CADM2: variants seen among roughly 807,000 people sequenced by gnomAD.
CADM2 encodes cell adhesion molecule 2, also known as immunoglobulin superfamily member 4D.
CADM2 carries 12 observed loss-of-function variants against 49.8 expected under a neutral mutation model. The ratio of observed to expected loss-of-function variants is 0.24; its 90% CI spans 0.15 to 0.39. CADM2 has a LOEUF of 0.39. Ranked by LOEUF, CADM2 falls within the 10% of genes least tolerant of loss-of-function variation. The pLI is 1.00. For synonymous variants in CADM2, 214 were observed against 175.4 expected (o/e 1.22, Z -1.74); for missense variants, 378 against 492.3 (o/e 0.77, Z 2.20).
chr3:85,608,686 A>G (rs2063600028), intron 1 of CADM2, among the ~76,000 whole-genome samples: 1 of 152,162 alleles, frequency 6.6e-6, no homozygotes, highest in African/African-American at 2.4e-5. Flanking sequence ...TGCTGATCAA[A>G]CTAATTATAC....
chr3:85,381,175 C>A (rs1013082169), intron 1 of CADM2, among the ~76,000 whole-genome samples: 1 of 151,888 alleles, frequency 6.6e-6, no homozygotes, highest in African/African-American at 2.4e-5. Flanking sequence ...CATGCAAAGA[C>A]AAATGTGGCT....
At chr3:85,354,643 A>AGAGAGAGAGAGAGAGAGAGAGAGG (rs71108278) in intron 1 of CADM2, among the ~76,000 whole-genome samples, 1 of 149,114 alleles carries the variant, frequency 6.7e-6, no homozygotes, top group Non-Finnish European at 1.5e-5. Flanking sequence ...AGAGAGAGAG[A>AGAGAGAGAGAGAGAGAGAGAGAGG]AGCCTATTCT....
intron 1 of CADM2, among the ~76,000 whole-genome samples, chr3:85,091,035 A>C (rs7636138): frequency 0.59 from 90,359 of 151,950 alleles, 27,708 homozygotes; most frequent in Non-Finnish European, 0.65. Flanking sequence ...ACCTAGGGTT[A>C]TTGATAAAAT....
At chr3:85,327,857 A>C (rs74939234) in intron 1 of CADM2, among the ~76,000 whole-genome samples, 11,082 of 152,168 alleles carry the variant, frequency 0.073, 740 homozygotes, top group African/African-American at 0.18. Context: ...AAAACGTAAC[A>C]ATTTGAAGCC....
At chr3:85,189,475 A>AT (rs1167870462) in intron 1 of CADM2, among the ~76,000 whole-genome samples, 2 of 152,162 alleles carry the variant, frequency 1.3e-5, no homozygotes, top group African/African-American at 4.8e-5. Context: ...AGAAAATCTT[A>AT]TTTTTGAACC....
At chr3:85,414,321 A>G (rs189290949) in intron 1 of CADM2, among the ~76,000 whole-genome samples, 1 of 152,328 alleles carries the variant, frequency 6.6e-6, no homozygotes. Flanking sequence ...GCAAAACTAG[A>G]CTGCAGAAAT....
chr3:85,912,664 A>T, intron 6 of CADM2, 121 bp downstream of exon 6: 3 of 894,904 alleles, frequency 3.4e-6, no homozygotes, highest in South Asian at 1.7e-5. Flanking sequence ...CGGCAAAATG[A>T]AGTAAAACTA....
At chr3:86,003,886 T>A (rs2106838328) in intron 8 of CADM2, among the ~76,000 whole-genome samples, 1 of 152,236 alleles carries the variant, frequency 6.6e-6, no homozygotes, top group Non-Finnish European at 1.5e-5. Context: ...TAGAAAAAAT[T>A]GCGGACCCAG....
rs191546274 is a variant in CADM2 at position 85,119,168 on chromosome 3, T to G, written c.61+159500T>G. Among the ~76,000 whole-genome samples, 19 of 152,258 alleles carry G rather than the reference T, an allele frequency of 1.2e-4. No individual in the cohort carries two copies. In the East Asian group the frequency reaches 3.7e-3, roughly 29 times the overall value. ...TGGCTCACGCCTGTAATCCCAACCC[T>G]TGGGAGGCTGAGGTGGGCTGATCAC... On this transcript the variant is annotated intron_variant, in intron 1 of 9. Coordinates refer to ENST00000383699, the MANE Select transcript of CADM2 (RefSeq NM_001167675.2).
chr3:85,714,157 T>C (rs2067205447), intron 1 of CADM2, among the ~76,000 whole-genome samples: 1 of 152,198 alleles, frequency 6.6e-6, no homozygotes, highest in Admixed American at 6.5e-5. Flanking sequence ...CACACTGAAG[T>C]AGATTAAACT....
rs1157576505 is a variant in CADM2, at chr3:85,321,116, A to ATTTTTTT, written c.61+361492_61+361498dup. Among the ~76,000 whole-genome samples, 2 of 27,494 alleles carry ATTTTTTT rather than the reference A, an allele frequency of 7.3e-5. 1 individual carries two copies. Among genetic ancestry groups the ATTTTTTT allele is most frequent in the Non-Finnish European group, 1.3e-4 (2 of 15,270 alleles). 18.0% of individuals were successfully genotyped at this position (27,494 alleles called of 152,430 possible). On this transcript the variant is annotated intron_variant, in intron 1 of 9. Coordinates refer to ENST00000383699, the MANE Select transcript of CADM2 (RefSeq NM_001167675.2). ...CATATATATATATATATATATATAT[A>ATTTTTTT]TTTTTTTTTTTTTTTTTTTTTTTTT...
At chr3:86,021,416 C>T (rs1733160990) in intron 8 of CADM2, among the ~76,000 whole-genome samples, 1 of 152,002 alleles carries the variant, frequency 6.6e-6, no homozygotes, top group South Asian at 2.1e-4. Context: ...AGTGATGTAC[C>T]TTAGCTTAAG....
intron 1 of CADM2, among the ~76,000 whole-genome samples, chr3:85,029,224 G>A (rs748211889): frequency 6.6e-6 from 1 of 151,954 alleles, no homozygotes; most frequent in South Asian, 2.1e-4. Flanking sequence ...TGAAAAGTTT[G>A]TCATTTTACT....
intron 1 of CADM2, among the ~76,000 whole-genome samples, chr3:85,085,967 C>T (rs903914228): frequency 2.0e-5 from 3 of 151,998 alleles, no homozygotes; most frequent in African/African-American, 4.8e-5. Context: ...AACTGCACAT[C>T]GTCATAATGG....
intron 1 of CADM2, among the ~76,000 whole-genome samples, chr3:85,227,498 C>T (rs1259617127): frequency 1.4e-5 from 2 of 145,600 alleles, no homozygotes; most frequent in Non-Finnish European, 3.0e-5. Context: ...GTAAATCTTC[C>T]TCCATCCCTT....
chr3:85,729,434 G>C (rs1442393968), intron 2 of CADM2, among the ~76,000 whole-genome samples: 1 of 152,054 alleles, frequency 6.6e-6, no homozygotes, highest in Non-Finnish European at 1.5e-5. Context: ...CTGTCAAGAG[G>C]AACATAAATG....
chr3:86,069,659 A>T lies in CADM2; in HGVS notation c.*2876A>T, dbSNP rs930703954. 1.3e-5 allele frequency: 2 copies of T among 151,950 alleles called. No individual in the cohort carries two copies. Among genetic ancestry groups the T allele is most frequent in the African/African-American group, 4.8e-5 (2 of 41,422 alleles). The allele number at this position is 151,950 out of a possible 1,614,324, so 9.4% of individuals were successfully genotyped here. On this transcript the variant is annotated 3_prime_UTR_variant, in exon 10 of 10. Transcript: ENST00000383699. ...ATAGAGTCAATTTCTGTCTCTTCTA[A>T]GTGAGCACAGTAGGTAGGGAACTCA...
chr3:85,921,319 T>TAC (rs530092390), intron 6 of CADM2, among the ~76,000 whole-genome samples: 6 of 150,928 alleles, frequency 4.0e-5, no homozygotes, highest in Non-Finnish European at 7.4e-5. Context: ...CACACACACA[T>TAC]ACACACACAC....
chr3:85,849,869 A>G (rs1400811736), intron 3 of CADM2, among the ~76,000 whole-genome samples: 3 of 150,802 alleles, frequency 2.0e-5, no homozygotes, highest in Non-Finnish European at 4.4e-5. Context: ...GCTCTCAAAA[A>G]CTCTTGCAAA....
Sources: allele counts gnomAD v4.1 joint callset (sites outside exome capture counted in the v4.1 genomes callset), GRCh38; gene constraint gnomAD v4.1.1; transcripts MANE v1.5; gene names NCBI Gene and HGNC (gene_info 2026-07-23, HGNC 2026-07-21).